BPTF: variants seen among roughly 807,000 people sequenced by gnomAD.
BPTF encodes the protein bromodomain PHD finger transcription factor.
BPTF carries 18 observed loss-of-function variants against 292.5 expected under a neutral mutation model. The ratio of observed to expected loss-of-function variants is 0.06; its 90% CI spans 0.04 to 0.09. The LOEUF (loss-of-function observed/expected upper bound fraction) is 0.09, where lower values mean the gene tolerates loss of function less well. Ranked by LOEUF, BPTF falls within the 10% of genes least tolerant of loss-of-function variation. The probability of loss-of-function intolerance (pLI) is 1.00; values close to 1 mark genes in which losing one functional copy is unlikely to be tolerated. For synonymous variants in BPTF, 1,225 were observed against 1,251.9 expected (o/e 0.98, Z 0.45); for missense variants, 2,726 against 3,498.7 (o/e 0.78, Z 5.57).
In BPTF at chr17:67,912,280, A is replaced by G; in HGVS notation, c.4396A>G (p.Ile1466Val). ...TVKESAIRPF[I>V]NGDVIMEDFN... ...TAAAGAATCTGCTATAAGGCCATTC[A>G]TTAATGGTGATGTCATCATGGAAGA... The change falls in exon 11 of 28, where the codon ATT becomes GTT. Residue 1466 changes from isoleucine (I) to valine (V), a missense_variant. This residue lies in a region of BPTF where 713 missense variants were observed against 714.9 expected (regional missense o/e 1.00). Transcript: ENST00000306378. 3.7e-6 allele frequency: 6 copies of G among 1,613,810 alleles called. No homozygotes were observed. Among genetic ancestry groups the G allele is most frequent in the Admixed American group, 1.7e-5 (1 of 60,012 alleles).
At chr17:67,830,088 A>G (rs2056529586) in intron 1 of BPTF, among the ~76,000 whole-genome samples, 1 of 152,238 alleles carries the variant, frequency 6.6e-6, no homozygotes, top group Non-Finnish European at 1.5e-5. Flanking sequence ...TTCAGCCTAT[A>G]GGTTTTATGA....
chr17:67,979,030 C>T (rs1465802018), intron 27 of BPTF, among the ~76,000 whole-genome samples: 2 of 151,086 alleles, frequency 1.3e-5, no homozygotes, highest in Admixed American at 6.6e-5. Context: ...AAAAATTAGC[C>T]AGGCATGGTG....
At chr17:67,866,072 G>A (rs1274868811) in intron 2 of BPTF, among the ~76,000 whole-genome samples, 2 of 152,110 alleles carry the variant, frequency 1.3e-5, no homozygotes, top group Non-Finnish European at 2.9e-5. Flanking sequence ...AGTGAACCAC[G>A]ATGGTGCCAC....
chr17:67,908,228 A>T (rs1162235471), intron 9 of BPTF, among the ~76,000 whole-genome samples: 1 of 152,042 alleles, frequency 6.6e-6, no homozygotes, highest in African/African-American at 2.4e-5. Flanking sequence ...GCACCATCTC[A>T]GCTCGCTGCA....
intron 10 of BPTF, 110 bp downstream of exon 10, chr17:67,909,871 C>A (rs1224918975): frequency 5.5e-6 from 5 of 917,054 alleles, no homozygotes; most frequent in South Asian, 4.0e-5. Flanking sequence ...ACAGCTTTAT[C>A]AAAACATAAT....
At chr17:67,942,776 A>G (rs1283566509) in intron 19 of BPTF, among the ~76,000 whole-genome samples, 2 of 152,246 alleles carry the variant, frequency 1.3e-5, no homozygotes, top group African/African-American at 4.8e-5. Flanking sequence ...TCCTACAGCA[A>G]TAAAAATGAA....
chr17:67,839,664 A>G lies in BPTF; in HGVS notation c.613+13327A>G, dbSNP rs184383743. ...TTATTGCTGAGTAGCAGTCCCTTATATGAGTGTATCACAGTGCATTTATCC... is the reference window on the plus strand; with the variant it reads ...TTATTGCTGAGTAGCAGTCCCTTATGTGAGTGTATCACAGTGCATTTATCC... On this transcript the variant is annotated intron_variant, in intron 1 of 27. Coordinates refer to ENST00000306378, the MANE Select transcript of BPTF (RefSeq NM_182641.4). Among the ~76,000 whole-genome samples, 4 of 152,288 alleles carry G rather than the reference A, an allele frequency of 2.6e-5. No individual in the cohort carries two copies. The East Asian group carries it at 7.7e-4, about 29-fold the overall frequency.
chr17:67,890,952 A>G (rs771145621), intron 4 of BPTF, among the ~76,000 whole-genome samples: 1 of 152,170 alleles, frequency 6.6e-6, no homozygotes, highest in African/African-American at 2.4e-5. Flanking sequence ...TTTAACAGTG[A>G]TGCAGTAGTT....
intron 1 of BPTF, among the ~76,000 whole-genome samples, chr17:67,847,532 C>G (rs1287420740): frequency 1.3e-5 from 2 of 149,664 alleles, no homozygotes; most frequent in Non-Finnish European, 3.0e-5. Flanking sequence ...AAAAAATTAT[C>G]CGGGTGTGGT....
chr17:67,911,427 A>G lies in BPTF; in HGVS notation c.3543A>G (p.Lys1181=). The G allele has an allele frequency of 6.2e-7, 1 of 1,614,152 alleles. No individual in the cohort carries two copies. The highest frequency in any genetic ancestry group is 8.5e-7 in the Non-Finnish European group (1 of 1,180,010). ...GGAGCCCAGAAACAAAATGTCCGAA[A>G]CAAAATTCCATTGAAAATGACATAG... The part of the protein sequence containing the change: ...SIRSPETKCP[K]QNSIENDIEE... Residue 1181 remains lysine (K), a synonymous_variant, in exon 11 of 28, where the codon AAA becomes AAG. Coordinates refer to ENST00000306378, the MANE Select transcript of BPTF (RefSeq NM_182641.4).
intron 20 of BPTF, 132 bp downstream of exon 20, chr17:67,944,504 TAGTC>T (rs1199310252): frequency 2.9e-5 from 29 of 989,554 alleles, no homozygotes; most frequent in African/African-American, 4.8e-5. Flanking sequence ...ACAGTTGACA[TAGTC>T]AGCCTCACAA....
chr17:67,874,778 A>G (rs1424863065), intron 3 of BPTF, 39 bp from the exon 4 acceptor site: 2 of 1,376,228 alleles, frequency 1.5e-6, no homozygotes, highest in Non-Finnish European at 2.0e-6. Flanking sequence ...ATTTGGTTAT[A>G]TATAGGAATA....
intron 1 of BPTF, among the ~76,000 whole-genome samples, chr17:67,844,690 T>C (rs1171557288): frequency 1.3e-5 from 2 of 151,852 alleles, no homozygotes; most frequent in African/African-American, 4.8e-5. Flanking sequence ...GGTGAACCAC[T>C]GCGTCCAGTC....
At chr17:67,902,355 C>T (rs1021072592) in intron 7 of BPTF, among the ~76,000 whole-genome samples, 7 of 152,294 alleles carry the variant, frequency 4.6e-5, no homozygotes, top group African/African-American at 1.7e-4. Flanking sequence ...CTCAAAATCT[C>T]CATGAGAAAT....
At position 67,911,970 on chromosome 17, in the gene BPTF, T is replaced by G. The variant is rs1568046980; in HGVS notation, c.4086T>G (p.Ser1362Arg). 2 of 1,613,802 alleles carry G rather than the reference T, an allele frequency of 1.2e-6. No homozygotes were observed. The highest frequency in any genetic ancestry group is 1.7e-6 in the Non-Finnish European group (2 of 1,179,994). The part of the protein sequence containing the change: ...KGTEANGKKP[S>R]QQKKLEERPV... ...CTGAAGCAAATGGTAAAAAACCAAGTCAGCAGAAGAAATTAGAGGAGAGAC... is the reference window on the plus strand; with the variant it reads ...CTGAAGCAAATGGTAAAAAACCAAGGCAGCAGAAGAAATTAGAGGAGAGAC... Residue 1362 changes from serine (S) to arginine (R), a missense_variant, in exon 11 of 28, where the codon AGT becomes AGG. Transcript: ENST00000306378.
In BPTF at chr17:67,946,168, A is replaced by G. The variant is rs782768375; in HGVS notation, c.7460A>G (p.Gln2487Arg). ...QSSAVQTHQIQNVVTVQAASV... is the reference protein window; with the variant it reads ...QSSAVQTHQIRNVVTVQAASV... ...AGTGCTGTGCAGACTCACCAGATTC[A>G]GAATGTGGTTACAGTGCAGGCAGCC... Residue 2487 changes from glutamine to arginine, a missense_variant, in exon 21 of 28, where the codon CAG (glutamine) becomes CGG (arginine). By Grantham distance (43) the Gln-to-Arg change is conservative (BLOSUM62 1). Coordinates refer to ENST00000306378, the MANE Select transcript of BPTF (RefSeq NM_182641.4). 6.2e-7 allele frequency: 1 copy of G among 1,614,212 alleles called. No individual in the cohort carries two copies. The highest frequency in any genetic ancestry group is 8.5e-7 in the Non-Finnish European group (1 of 1,180,030).
At chr17:67,864,827 CAG>C (rs2059300770) in intron 2 of BPTF, among the ~76,000 whole-genome samples, 1 of 151,884 alleles carries the variant, frequency 6.6e-6, no homozygotes, top group Admixed American at 6.6e-5. Context: ...ATTTTTGAGA[CAG>C]AGTCTCGCTC....
At chr17:67,849,682 A>G (rs2058264066) in intron 1 of BPTF, among the ~76,000 whole-genome samples, 1 of 152,132 alleles carries the variant, frequency 6.6e-6, no homozygotes, top group Non-Finnish European at 1.5e-5. Flanking sequence ...TCACACCTGT[A>G]ATCCCATAAC....
At chr17:67,856,791 T>G (rs4790908) in intron 2 of BPTF, among the ~76,000 whole-genome samples, 46,183 of 152,042 alleles carry the variant, frequency 0.3, 8,397 homozygotes, top group East Asian at 0.66. Context: ...CATTTACTAC[T>G]TGTATTGTCA....
Sources: gnomAD v4.1 joint callset for allele counts (sites outside exome capture counted in the v4.1 genomes callset) on GRCh38, gnomAD v4.1.1 for gene constraint, gnomAD v4.1.1 regional missense constraint, MANE v1.5 for transcripts, NCBI Gene and HGNC (gene_info 2026-07-23, HGNC 2026-07-21) for gene names.